HPSE2: variants seen among roughly 807,000 people sequenced by gnomAD.
HPSE2 encodes the protein inactive heparanase-2.
A neutral mutation model predicts 60.5 loss-of-function variants in HPSE2; 38 were observed. The ratio of observed to expected loss-of-function variants is 0.63; its 90% CI spans 0.48 to 0.82. The LOEUF is 0.82. Ranked by LOEUF, HPSE2 falls within the 40% of genes least tolerant of loss-of-function variation. HPSE2 has a pLI of 0.00. For synonymous variants in HPSE2, 295 were observed against 293.2 expected, an observed-to-expected ratio of 1.01 and a Z score of -0.06; for missense variants, 713 against 740.4, an observed-to-expected ratio of 0.96 and a Z score of 0.43.
intron 2 of HPSE2, among the ~76,000 whole-genome samples, chr10:99,214,139 T>C (rs758573313): frequency 1.3e-5 from 2 of 151,958 alleles, no homozygotes; most frequent in African/African-American, 2.4e-5. Flanking sequence ...GGAATAAAAA[T>C]CAAAACCATG....
intron 6 of HPSE2, among the ~76,000 whole-genome samples, chr10:98,688,477 C>CTTT (rs1388717965): frequency 1.6e-4 from 13 of 83,028 alleles, no homozygotes; most frequent in East Asian, 7.6e-4. Flanking sequence ...TTTTTTTTTT[C>CTTT]TTTTTTTTTT....
chr10:98,749,190 T>C (rs1949696517), intron 3 of HPSE2, among the ~76,000 whole-genome samples: 1 of 152,144 alleles, frequency 6.6e-6, no homozygotes, highest in African/African-American at 2.4e-5. Flanking sequence ...AGATTATTTC[T>C]CTTAGTTTCC....
chr10:98,896,616 T>G (rs1327072369), intron 3 of HPSE2, among the ~76,000 whole-genome samples: 1 of 152,068 alleles, frequency 6.6e-6, no homozygotes, highest in African/African-American at 2.4e-5. Context: ...AAGCCTAAAG[T>G]AAGCAGAAGA....
chr10:98,878,609 G>A (rs1479166741), intron 3 of HPSE2, among the ~76,000 whole-genome samples: 2 of 151,982 alleles, frequency 1.3e-5, no homozygotes, highest in Non-Finnish European at 2.9e-5. Flanking sequence ...ATGAAAATAG[G>A]AGTTTGTGGT....
At chr10:99,207,673 G>A (rs1292976185) in intron 2 of HPSE2, among the ~76,000 whole-genome samples, 1 of 152,098 alleles carries the variant, frequency 6.6e-6, no homozygotes, top group Non-Finnish European at 1.5e-5. Flanking sequence ...CATGTGGAGG[G>A]AGTAGAGTGA....
At chr10:98,702,431 G>T (rs962918110) in intron 5 of HPSE2, among the ~76,000 whole-genome samples, 3 of 152,012 alleles carry the variant, frequency 2.0e-5, no homozygotes, top group Non-Finnish European at 2.9e-5. Context: ...GGATATTCAG[G>T]ACTTAAACTC....
intron 9 of HPSE2, among the ~76,000 whole-genome samples, chr10:98,528,188 A>C (rs770131396): frequency 2.0e-4 from 31 of 152,108 alleles, no homozygotes; most frequent in African/African-American, 7.5e-4. Flanking sequence ...CCGAATGATG[A>C]TGAGAGAGAC....
chr10:98,942,408 A>C (rs1955037636), intron 3 of HPSE2, among the ~76,000 whole-genome samples: 2 of 149,328 alleles, frequency 1.3e-5, no homozygotes, highest in East Asian at 1.9e-4. Context: ...ACCCCATCAA[A>C]AAGTGGGCAA....
At chr10:98,694,026 A>G in intron 5 of HPSE2, 79 bp from the exon 6 acceptor site, 2 of 1,108,880 alleles carry the variant, frequency 1.8e-6, no homozygotes, top group Non-Finnish European at 2.8e-6. Context: ...ATAAACTGAG[A>G]CAGATTAGAC....
the HPSE2 span, among the ~76,000 whole-genome samples, chr10:99,267,397 A>G: frequency 7.2e-5 from 11 of 152,164 alleles, no homozygotes; most frequent in Middle Eastern, 3.4e-3. Context: ...GAGCTCAAAG[A>G]TAAGGTTTTC....
At chr10:99,035,481 GT>G (rs1957589909) in intron 3 of HPSE2, among the ~76,000 whole-genome samples, 4 of 152,120 alleles carry the variant, frequency 2.6e-5, no homozygotes, top group Non-Finnish European at 5.9e-5. Context: ...GCCTGAGGCT[GT>G]TTTACACTTA....
intron 3 of HPSE2, among the ~76,000 whole-genome samples, chr10:98,818,080 G>A (rs1025343038): frequency 5.3e-5 from 8 of 152,210 alleles, no homozygotes; most frequent in Admixed American, 2.0e-4. Context: ...TGTGAATACC[G>A]TATTTTCAAT....
intron 11 of HPSE2, among the ~76,000 whole-genome samples, chr10:98,471,209 T>C (rs1940766785): frequency 6.6e-6 from 1 of 152,188 alleles, no homozygotes; most frequent in African/African-American, 2.4e-5. Flanking sequence ...TGGGATCTTG[T>C]TCTAGAAGTT....
At chr10:99,180,612 C>T (rs754541144) in intron 2 of HPSE2, among the ~76,000 whole-genome samples, 6 of 151,964 alleles carry the variant, frequency 3.9e-5, no homozygotes, top group Non-Finnish European at 8.8e-5. Flanking sequence ...TGGCTAGGCA[C>T]GGTGGCTCAT....
At chr10:98,491,208 CT>C (rs11337181) in intron 9 of HPSE2, among the ~76,000 whole-genome samples, 118,037 of 149,924 alleles carry the variant, frequency 0.79, 47,673 homozygotes, top group Non-Finnish European at 0.87. Context: ...TTCTGATAAT[CT>C]TTTTTTTTTT....
chr10:98,960,974 G>T (rs1370919474), intron 3 of HPSE2, among the ~76,000 whole-genome samples: 2 of 86,538 alleles, frequency 2.3e-5, no homozygotes, highest in African/African-American at 9.7e-5. Flanking sequence ...TCCCACCTAT[G>T]AGTGAGAATA....
chr10:98,969,603 TA>T (rs1343365476), intron 3 of HPSE2, among the ~76,000 whole-genome samples: 4 of 152,198 alleles, frequency 2.6e-5, no homozygotes, highest in Non-Finnish European at 5.9e-5. Flanking sequence ...AAACATGATG[TA>T]GTTTCTTCAA....
chr10:99,051,942 T>C (rs952510498), intron 3 of HPSE2, among the ~76,000 whole-genome samples: 2 of 148,866 alleles, frequency 1.3e-5, no homozygotes, highest in African/African-American at 5.0e-5. Context: ...TGCTGTCTGC[T>C]TGAAATTAAA....
At chr10:98,951,079 T>C (rs1008145972) in intron 3 of HPSE2, among the ~76,000 whole-genome samples, 4 of 152,140 alleles carry the variant, frequency 2.6e-5, no homozygotes, top group African/African-American at 9.7e-5. Context: ...ACTACTAGTT[T>C]AACTAGACAA....
Sources: gnomAD v4.1 joint callset for allele counts (sites outside exome capture counted in the v4.1 genomes callset) on GRCh38, gnomAD v4.1.1 for gene constraint, MANE v1.5 for transcripts, NCBI Gene and HGNC (gene_info 2026-07-23, HGNC 2026-07-21) for gene names.